DPY19L1: variants seen among roughly 807,000 people sequenced by gnomAD.
The protein encoded by DPY19L1 is dpy-19 like C-mannosyltransferase 1.
A neutral mutation model predicts 96.9 loss-of-function variants in DPY19L1; 35 were observed. The observed-to-expected ratio is 0.36, with a 90% CI of 0.28 to 0.48. The LOEUF (loss-of-function observed/expected upper bound fraction) is 0.48. Among genes scored for constraint, DPY19L1 ranks in the 20% least tolerant of loss-of-function variants. DPY19L1 has a pLI of 0.99. For synonymous variants in DPY19L1, 205 were observed against 252.6 expected (o/e 0.81, Z 1.79); for missense variants, 521 against 777.9 (o/e 0.67, Z 3.93).
chr7:35,017,500 T>C (rs1158826671), intron 3 of DPY19L1, among the ~76,000 whole-genome samples: 3 of 14,500 alleles, frequency 2.1e-4, no homozygotes, highest in Non-Finnish European at 3.4e-4. Context: ...AGACTCCGTC[T>C]CAAAAAAAAA....
chr7:34,977,838 G>A (rs1408233925), intron 7 of DPY19L1, among the ~76,000 whole-genome samples: 1 of 151,892 alleles, frequency 6.6e-6, no homozygotes, highest in African/African-American at 2.4e-5. Context: ...TTATACAAAT[G>A]TATGTTGTTT....
intron 9 of DPY19L1, among the ~76,000 whole-genome samples, chr7:34,968,824 T>TA (rs1784665494): frequency 1.1e-5 from 1 of 92,234 alleles, no homozygotes; most frequent in Admixed American, 1.1e-4. Context: ...TATACAAATA[T>TA]ATCAGTACAA....
chr7:35,027,929 A>G (rs796710718), intron 1 of DPY19L1, among the ~76,000 whole-genome samples: 20 of 152,364 alleles, frequency 1.3e-4, no homozygotes, highest in African/African-American at 4.6e-4. Context: ...CTACATGATG[A>G]TGGTTTTAAG....
Position 34,939,324 on chromosome 7 carries a change from G to A in DPY19L1, c.1916C>T (p.Ala639Val). 1 of 1,613,976 alleles carries A rather than the reference G, an allele frequency of 6.2e-7. No homozygotes were observed. The highest frequency in any genetic ancestry group is 8.5e-7 in the Non-Finnish European group (1 of 1,179,958). Reference sequence around the variant, plus strand: ...TGGATGATTCACAATGGGCCGAAGTGCAGAGAGCTTAACACTTGCCATCGT... The same window carrying A: ...TGGATGATTCACAATGGGCCGAAGTACAGAGAGCTTAACACTTGCCATCGT... The part of the protein sequence containing the change: ...MPTMASVKLS[A>V]LRPIVNHPHY... The change falls in exon 20 of 22, where the codon GCA becomes GTA. Residue 639 changes from alanine (A) to valine (V), a missense_variant. Physicochemically the swap from Ala to Val is moderately conservative, Grantham distance 64. Coordinates refer to ENST00000638088, the MANE Select transcript of DPY19L1 (RefSeq NM_001366673.1).
chr7:34,943,451 T>C (rs946601922), intron 16 of DPY19L1, among the ~76,000 whole-genome samples: 8 of 152,198 alleles, frequency 5.3e-5, no homozygotes, highest in African/African-American at 1.9e-4. Flanking sequence ...GCCAGGACTA[T>C]ATTCTGACTG....
chr7:34,932,960 T>C (rs1459269059), intron 21 of DPY19L1, among the ~76,000 whole-genome samples: 3 of 152,184 alleles, frequency 2.0e-5, no homozygotes, highest in Admixed American at 1.3e-4. Context: ...CCGTAGCAGG[T>C]ATGTACATCA....
intron 15 of DPY19L1, among the ~76,000 whole-genome samples, 197 bp from the exon 16 acceptor site, chr7:34,945,913 G>A (rs1455083430): frequency 6.6e-6 from 1 of 152,042 alleles, no homozygotes; most frequent in Non-Finnish European, 1.5e-5. Flanking sequence ...AACCCTGTTG[G>A]GTAGATTATA....
intron 10 of DPY19L1, among the ~76,000 whole-genome samples, chr7:34,961,933 CCA>C (rs1368508327): frequency 1.3e-5 from 2 of 152,182 alleles, no homozygotes; most frequent in Admixed American, 1.3e-4. Flanking sequence ...TGCCCAAAAT[CCA>C]CAGTGACACC....
At chr7:35,032,270 G>A (rs1786277837) in intron 1 of DPY19L1, among the ~76,000 whole-genome samples, 1 of 152,122 alleles carries the variant, frequency 6.6e-6, no homozygotes, top group Admixed American at 6.6e-5. Context: ...CATGAACTTA[G>A]GAAACACATT....
Position 34,954,069 on chromosome 7 carries a change from C to T in DPY19L1, c.1320+629G>A, listed in dbSNP as rs375079055. ...TATTTTTTCCATGTTGGTTCTTGTG[C>T]TGCTTTTTTAAATTAAATCTTTGAT... On this transcript the variant is annotated intron_variant, in intron 13 of 21. Transcript: ENST00000638088. Among the ~76,000 whole-genome samples the T allele has an allele frequency of 5.9e-5, 9 of 152,242 alleles. No homozygotes were observed. The South Asian group carries it at 1.2e-3, about 21-fold the overall frequency.
intron 9 of DPY19L1, 134 bp downstream of exon 9, chr7:34,969,299 A>T (rs931980986): frequency 2.0e-4 from 90 of 458,148 alleles, no homozygotes; most frequent in Non-Finnish European, 5.3e-5. Context: ...GTTTTAGAAA[A>T]ACATTTTTCC....
intron 6 of DPY19L1, among the ~76,000 whole-genome samples, chr7:34,994,872 C>T (rs958545432): frequency 6.6e-6 from 1 of 152,046 alleles, no homozygotes; most frequent in African/African-American, 2.4e-5. Flanking sequence ...GTCGCATACC[C>T]TCACTCAGTT....
At position 34,977,740 on chromosome 7, in the gene DPY19L1, C is replaced by T. The variant is rs1037241572; in HGVS notation, c.823-4135G>A. Among the ~76,000 whole-genome samples the T allele has an allele frequency of 1.1e-4, 17 of 152,036 alleles. No individual in the cohort carries two copies. In the South Asian group the frequency reaches 1.5e-3, roughly 13 times the overall value. ...TTTAAATGTAAAATAAAAAGTGTGACAGTTTAAAATGCCAATGCTTTTTAA... is the reference window on the plus strand; with the variant it reads ...TTTAAATGTAAAATAAAAAGTGTGATAGTTTAAAATGCCAATGCTTTTTAA... On this transcript the variant is annotated intron_variant, in intron 7 of 21. Transcript: ENST00000638088.
chr7:34,930,823 T>C lies in DPY19L1; in HGVS notation c.*750A>G, dbSNP rs945232087. On this transcript the variant is annotated 3_prime_UTR_variant, in exon 22 of 22. Transcript: ENST00000638088. ...TTTTTTAAAACCAAGAATAAGTACT[T>C]GATAAGCAACTAAATGAGTAAACAG... The C allele has an allele frequency of 2.0e-5, 3 of 152,064 alleles. No homozygotes were observed. Among genetic ancestry groups the C allele is most frequent in the Admixed American group, 2.0e-4 (3 of 15,270 alleles). The allele number at this position is 152,064 out of a possible 1,614,324, so 9.4% of individuals were successfully genotyped here.
At chr7:35,028,165 G>A (rs1039447667) in intron 1 of DPY19L1, among the ~76,000 whole-genome samples, 1 of 152,196 alleles carries the variant, frequency 6.6e-6, no homozygotes, top group African/African-American at 2.4e-5. Context: ...AGGGGCACAT[G>A]ACTGGGATAC....
At chr7:35,018,471 T>C in intron 2 of DPY19L1, 101 bp downstream of exon 2, 2 of 1,072,562 alleles carry the variant, frequency 1.9e-6, no homozygotes, top group South Asian at 1.4e-5. Context: ...TATATATTCA[T>C]ACTGATCATG....
intron 3 of DPY19L1, among the ~76,000 whole-genome samples, chr7:35,016,894 C>T (rs1785862797): frequency 1.3e-5 from 2 of 151,696 alleles, no homozygotes; most frequent in African/African-American, 4.8e-5. Context: ...GAAAACAAAA[C>T]AAAAACAGGT....
At chr7:35,004,375 C>G (rs1785502899) in intron 6 of DPY19L1, among the ~76,000 whole-genome samples, 3 of 152,110 alleles carry the variant, frequency 2.0e-5, no homozygotes, top group Admixed American at 2.0e-4. Flanking sequence ...TTTTTCAAAA[C>G]TAAACACACC....
chr7:34,970,957 C>A (rs906520191), intron 8 of DPY19L1, among the ~76,000 whole-genome samples: 1 of 151,648 alleles, frequency 6.6e-6, no homozygotes, highest in African/African-American at 2.4e-5. Flanking sequence ...CTGGACAAAA[C>A]CAATTTGTTA....
Sources: allele counts gnomAD v4.1 joint callset (sites outside exome capture counted in the v4.1 genomes callset), GRCh38; gene constraint gnomAD v4.1.1; transcripts MANE v1.5; gene names NCBI Gene and HGNC (gene_info 2026-07-23, HGNC 2026-07-21).